The following ERAP1 variants were observed in gnomAD, a reference collection of about 807,000 sequenced individuals.
ERAP1 encodes endoplasmic reticulum aminopeptidase 1.
ERAP1 carries 86 observed loss-of-function variants against 103.7 expected under a neutral mutation model. The observed-to-expected ratio is 0.83, with a 90% CI of 0.70 to 0.99. The LOEUF (loss-of-function observed/expected upper bound fraction) is 0.99. ERAP1 is among the 50% of genes least tolerant of loss of function. ERAP1 has a pLI of 0.00. For missense variants in ERAP1, 1,009 were observed against 1,128.4 expected (o/e 0.89, Z 1.52); for synonymous variants, 398 against 402.4 (o/e 0.99, Z 0.13).
At chr5:96,795,427 A>G (rs150895889) in intron 4 of ERAP1, among the ~76,000 whole-genome samples, 3 of 152,344 alleles carry the variant, frequency 2.0e-5, no homozygotes, top group African/African-American at 4.8e-5. Flanking sequence ...AAGATTTAGA[A>G]GCCAAAGTGA....
downstream of ERAP1, chr5:96,773,654 A>C (rs1351282543): frequency 6.6e-6 from 1 of 152,210 alleles, no homozygotes; most frequent in Non-Finnish European, 1.5e-5. Context: ...CAATGTAAGA[A>C]GTAGGCTCTG....
intron 15 of ERAP1, among the ~76,000 whole-genome samples, chr5:96,782,167 T>C (rs973101228): frequency 1.3e-5 from 2 of 151,934 alleles, no homozygotes; most frequent in Admixed American, 6.6e-5. Context: ...CCCGCCACCA[T>C]GCCCGGCTCA....
At chr5:96,864,490 C>T in the ERAP1 span, among the ~76,000 whole-genome samples, 28 of 151,992 alleles carry the variant, frequency 1.8e-4, no homozygotes, top group Non-Finnish European at 3.7e-4. Context: ...GTTTACTTTG[C>T]TATGTTTTGT....
At chr5:96,861,295 T>C in the ERAP1 span, among the ~76,000 whole-genome samples, 11 of 152,158 alleles carry the variant, frequency 7.2e-5, no homozygotes, top group Non-Finnish European at 1.5e-4. Flanking sequence ...ACAGAGGTAA[T>C]GAACACACAG....
At chr5:96,933,560 TG>T in the ERAP1 span, among the ~76,000 whole-genome samples, 141 of 152,312 alleles carry the variant, frequency 9.3e-4, no homozygotes, top group African/African-American at 3.2e-3. Context: ...TATTCGCTAG[TG>T]CATTTTTTTT....
the ERAP1 span, among the ~76,000 whole-genome samples, chr5:96,819,366 C>G: frequency 1.3e-5 from 2 of 152,216 alleles, no homozygotes; most frequent in African/African-American, 4.8e-5. Context: ...TGTTTTCATC[C>G]TACAGACAAT....
chr5:96,862,793 A>G, the ERAP1 span, among the ~76,000 whole-genome samples: 1 of 152,212 alleles, frequency 6.6e-6, no homozygotes, highest in Non-Finnish European at 1.5e-5. Flanking sequence ...GGCAATTGAG[A>G]GATTAAGGAG....
the ERAP1 span, among the ~76,000 whole-genome samples, chr5:96,886,345 AATT>A: frequency 6.6e-6 from 1 of 152,254 alleles, no homozygotes; most frequent in Non-Finnish European, 1.5e-5. Flanking sequence ...CAGTGTTGGA[AATT>A]ATTGCATTTT....
At chr5:96,793,348 T>C in intron 7 of ERAP1, 52 bp downstream of exon 7, 1 of 1,256,100 alleles carries the variant, frequency 8.0e-7, no homozygotes. Flanking sequence ...TCCAGCAATA[T>C]TGAACAAAAC....
At chr5:96,853,850 TA>T in the ERAP1 span, among the ~76,000 whole-genome samples, 79 of 143,720 alleles carry the variant, frequency 5.5e-4, no homozygotes, top group Admixed American at 9.7e-4. Context: ...TTAAAAGTTC[TA>T]AAAAAAAAAA....
the ERAP1 span, among the ~76,000 whole-genome samples, chr5:96,814,659 C>T: frequency 6.6e-6 from 1 of 152,136 alleles, no homozygotes; most frequent in African/African-American, 2.4e-5. Context: ...TTAGCTTATG[C>T]TCATCAGAAG....
the ERAP1 span, among the ~76,000 whole-genome samples, chr5:96,899,201 T>C: frequency 2.0e-5 from 3 of 149,912 alleles, no homozygotes. Context: ...AGTCACCAAG[T>C]CAGTGAGAAA....
At chr5:96,918,555 A>C in the ERAP1 span, 1 of 152,124 alleles carries the variant, frequency 6.6e-6, no homozygotes, top group African/African-American at 2.4e-5. Context: ...GGTCAAATGA[A>C]TGAATGGTCA....
At chr5:96,877,271 G>T in the ERAP1 span, among the ~76,000 whole-genome samples, 1 of 152,248 alleles carries the variant, frequency 6.6e-6, no homozygotes, top group South Asian at 2.1e-4. Flanking sequence ...CACTGTGCCC[G>T]GTCCTGTTTC....
At chr5:96,917,411 A>G in the ERAP1 span, 4 of 1,532,976 alleles carry the variant, frequency 2.6e-6, no homozygotes, top group African/African-American at 5.5e-5. Flanking sequence ...GTGAACCACC[A>G]CACTCGGCCA....
upstream of ERAP1, among the ~76,000 whole-genome samples, chr5:96,808,923 T>C (rs1366843829): frequency 6.6e-6 from 1 of 152,174 alleles, no homozygotes; most frequent in East Asian, 1.9e-4. Context: ...TGAAAGCAAG[T>C]AATTAAGAAA....
the ERAP1 span, among the ~76,000 whole-genome samples, chr5:96,864,983 CA>C: frequency 1.3e-5 from 2 of 152,066 alleles, no homozygotes; most frequent in South Asian, 2.1e-4. Context: ...CTAAAAACTT[CA>C]AAAACAAGCC....
the ERAP1 span, among the ~76,000 whole-genome samples, chr5:96,875,441 T>G: frequency 6.8e-6 from 1 of 147,824 alleles, no homozygotes; most frequent in Admixed American, 6.8e-5. Flanking sequence ...GAGGCTGAGG[T>G]GGGAGGATCA....
the ERAP1 span, among the ~76,000 whole-genome samples, chr5:96,901,847 G>A: frequency 6.6e-6 from 1 of 152,166 alleles, no homozygotes; most frequent in African/African-American, 2.4e-5. Flanking sequence ...ATATAACCCG[G>A]ACTTCTTTGT....
Sources: allele counts gnomAD v4.1 joint callset (sites outside exome capture counted in the v4.1 genomes callset), GRCh38; gene constraint gnomAD v4.1.1; transcripts MANE v1.5; gene names NCBI Gene and HGNC (gene_info 2026-07-23, HGNC 2026-07-21).